Variants in SPAG16 observed in about 807,000 individuals in gnomAD.
SPAG16 encodes the protein sperm associated antigen 16.
Under a neutral mutation model 80.4 loss-of-function variants are expected in SPAG16, and 86 were observed. That is an observed-to-expected ratio of 1.07 (90% CI 0.90 to 1.28). SPAG16 has a LOEUF of 1.28. Among genes scored for constraint, SPAG16 ranks in the 50% most tolerant of loss-of-function variants. The pLI is 0.00. For missense variants in SPAG16, 870 were observed against 765.3 expected (o/e 1.14, Z -1.61); for synonymous variants, 294 against 265.9 (o/e 1.11, Z -1.03).
At chr2:213,664,619 A>G (rs1471420671) in intron 10 of SPAG16, among the ~76,000 whole-genome samples, 3 of 151,910 alleles carry the variant, frequency 2.0e-5, no homozygotes, top group African/African-American at 7.2e-5. Flanking sequence ...TTTTCTTTGT[A>G]GTTCTGGAAT....
intron 9 of SPAG16, among the ~76,000 whole-genome samples, chr2:213,426,836 T>TACATAC (rs1384789469): frequency 4.8e-4 from 61 of 125,890 alleles, no homozygotes; most frequent in African/African-American, 1.6e-3. Context: ...TTCTGATACA[T>TACATAC]ACACACACAC....
At chr2:213,476,211 G>T (rs543547409) in intron 9 of SPAG16, among the ~76,000 whole-genome samples, 2 of 152,322 alleles carry the variant, frequency 1.3e-5, no homozygotes, top group East Asian at 1.9e-4. Context: ...AGTCTTGAAA[G>T]AAAGAAAATG....
chr2:214,108,469 ACACACACACACC>A (rs1378576926), intron 14 of SPAG16, among the ~76,000 whole-genome samples: 1,557 of 78,954 alleles, frequency 0.02, 39 homozygotes, highest in African/African-American at 0.069. Flanking sequence ...ACACACACAC[ACACACACACACC>A]CCCACACACA....
intron 15 of SPAG16, among the ~76,000 whole-genome samples, chr2:214,397,610 A>AC (rs1476904157): frequency 6.6e-6 from 1 of 152,120 alleles, no homozygotes; most frequent in African/African-American, 2.4e-5. Flanking sequence ...AGATCAAGGG[A>AC]CCCCAAACAT....
chr2:213,816,298 A>C lies in SPAG16; in HGVS notation c.1071-46187A>C, dbSNP rs1448668159. On this transcript the variant is annotated intron_variant, in intron 10 of 15. Coordinates refer to ENST00000331683, the MANE Select transcript of SPAG16 (RefSeq NM_024532.5). ...AGAATGCTTTTATATGAATGACTAC[A>C]ATCATTTTCCCATTCTGTTGATGAC... Among the ~76,000 whole-genome samples the C allele has an allele frequency of 2.6e-5, 4 of 152,254 alleles. 1 individual carries two copies. The East Asian group carries it at 7.7e-4, about 29-fold the overall frequency.
At chr2:213,632,049 T>C (rs1207479494) in intron 10 of SPAG16, among the ~76,000 whole-genome samples, 1 of 152,176 alleles carries the variant, frequency 6.6e-6, no homozygotes, top group African/African-American at 2.4e-5. Flanking sequence ...AGGGATTGCA[T>C]TGAATCTGTA....
chr2:214,218,958 G>T (rs552572996), intron 15 of SPAG16, among the ~76,000 whole-genome samples: 1 of 152,228 alleles, frequency 6.6e-6, no homozygotes, highest in East Asian at 1.9e-4. Context: ...GTTGTTTTGT[G>T]AAAAATGGCC....
At chr2:213,953,416 A>G (rs919484976) in intron 12 of SPAG16, among the ~76,000 whole-genome samples, 3 of 151,846 alleles carry the variant, frequency 2.0e-5, no homozygotes, top group Non-Finnish European at 4.4e-5. Context: ...AAAGTATATA[A>G]AAAAGTAATA....
intron 14 of SPAG16, among the ~76,000 whole-genome samples, chr2:214,131,903 C>A (rs886176642): frequency 1.3e-5 from 2 of 151,980 alleles, no homozygotes; most frequent in African/African-American, 4.8e-5. Flanking sequence ...GAACGTACAC[C>A]ACCAAGAGTG....
rs570488850 is a variant in SPAG16 at position 213,680,285 on chromosome 2, T to C, written c.1071-182200T>C. On this transcript the variant is annotated intron_variant, in intron 10 of 15. Coordinates refer to ENST00000331683, the MANE Select transcript of SPAG16 (RefSeq NM_024532.5). Reference sequence around the variant, plus strand: ...AGCCTTGTTTGGCTGGGGGACCTTATCCACAGGAGCATAATGGAGAAGGGA... The same window carrying C: ...AGCCTTGTTTGGCTGGGGGACCTTACCCACAGGAGCATAATGGAGAAGGGA... Among the ~76,000 whole-genome samples the C allele has an allele frequency of 8.4e-4, 128 of 152,230 alleles. 1 individual carries two copies. The South Asian group carries it at 0.014, about 17-fold the overall frequency.
At chr2:213,972,053 T>A (rs977347767) in intron 12 of SPAG16, among the ~76,000 whole-genome samples, 1 of 151,842 alleles carries the variant, frequency 6.6e-6, no homozygotes, top group African/African-American at 2.4e-5. Context: ...GTAAATGGGC[T>A]ATTCATAACC....
intron 10 of SPAG16, among the ~76,000 whole-genome samples, chr2:213,669,622 G>C (rs1009865682): frequency 6.6e-6 from 1 of 152,024 alleles, no homozygotes; most frequent in African/African-American, 2.4e-5. Flanking sequence ...ATCCTTTAAT[G>C]GTAAAATAGG....
chr2:213,422,380 A>T (rs2069651771), intron 9 of SPAG16: 1 of 669,200 alleles, frequency 1.5e-6, no homozygotes, highest in Admixed American at 2.1e-5. Context: ...TGCCTGCCCC[A>T]CTGCAGCAGC....
chr2:214,135,564 A>G (rs1201078750), intron 14 of SPAG16, among the ~76,000 whole-genome samples: 1 of 152,156 alleles, frequency 6.6e-6, no homozygotes, highest in East Asian at 1.9e-4. Context: ...GGTGGGACCT[A>G]GTAAGAGGTG....
chr2:213,804,792 C>G (rs771646954), intron 10 of SPAG16, among the ~76,000 whole-genome samples: 32 of 152,224 alleles, frequency 2.1e-4, no homozygotes, highest in Admixed American at 4.6e-4. Flanking sequence ...GAATAAGAAA[C>G]CAAGAGAAGA....
chr2:213,767,079 T>A (rs912098422), intron 10 of SPAG16, among the ~76,000 whole-genome samples: 2 of 152,194 alleles, frequency 1.3e-5, no homozygotes, highest in African/African-American at 2.4e-5. Flanking sequence ...TCCCTTACAT[T>A]CACTGATTGG....
intron 12 of SPAG16, among the ~76,000 whole-genome samples, chr2:214,004,327 CAG>C (rs2046929831): frequency 1.3e-5 from 2 of 152,070 alleles, no homozygotes; most frequent in Admixed American, 6.6e-5. Context: ...AGCAGGGACT[CAG>C]TAGAGTCAGG....
chr2:213,940,681 A>G (rs935134189), intron 12 of SPAG16, among the ~76,000 whole-genome samples: 2 of 152,204 alleles, frequency 1.3e-5, no homozygotes, highest in African/African-American at 4.8e-5. Flanking sequence ...ATAAATTAAT[A>G]TAGCATATGT....
At chr2:213,755,251 A>G (rs748266626) in intron 10 of SPAG16, among the ~76,000 whole-genome samples, 1 of 152,238 alleles carries the variant, frequency 6.6e-6, no homozygotes, top group Admixed American at 6.5e-5. Context: ...GTTTAGAGAA[A>G]TAAGTGAAAG....
Sources: allele counts gnomAD v4.1 joint callset (sites outside exome capture counted in the v4.1 genomes callset), GRCh38; gene constraint gnomAD v4.1.1; transcripts MANE v1.5; gene names NCBI Gene and HGNC (gene_info 2026-07-23, HGNC 2026-07-21).